The following ROBO2 variants were observed in gnomAD, a reference collection of about 807,000 sequenced individuals.
The protein encoded by ROBO2 is roundabout guidance receptor 2.
Under a neutral mutation model 160.8 loss-of-function variants are expected in ROBO2, and 53 were observed. The observed-to-expected ratio is 0.33, with a 90% CI of 0.26 to 0.41. The LOEUF is 0.41. Ranked by LOEUF, ROBO2 falls within the 10% of genes least tolerant of loss-of-function variation. ROBO2 has a pLI of 1.00. For missense variants in ROBO2, 1,577 were observed against 1,722.4 expected, an observed-to-expected ratio of 0.92 and a Z score of 1.49; for synonymous variants, 664 against 611.7, an observed-to-expected ratio of 1.09 and a Z score of -1.26.
In ROBO2 at chr3:77,448,737, G is replaced by T. The variant is rs559283222; in HGVS notation, c.389-28677G>T. Among the ~76,000 whole-genome samples the T allele has an allele frequency of 1.2e-4, 18 of 149,748 alleles. No homozygotes were observed. The East Asian group carries it at 3.4e-3, about 28-fold the overall frequency. On this transcript the variant is annotated intron_variant, in intron 2 of 25. Coordinates refer to ENST00000461745, the Ensembl canonical transcript of ROBO2. ...CAGCTTCTCGGGGGAACTGGGCAAA[G>T]GAACCACATCCCTTATTGAACTTTT...
At chr3:76,924,437 C>A (rs1010086771) in intron 2 of ROBO2, among the ~76,000 whole-genome samples, 1 of 152,174 alleles carries the variant, frequency 6.6e-6, no homozygotes, top group African/African-American at 2.4e-5. Flanking sequence ...AGGAAGCAGG[C>A]CCTCCACAGA....
chr3:77,628,323 C>T (rs1049561589), intron 23 of ROBO2, among the ~76,000 whole-genome samples: 2 of 151,760 alleles, frequency 1.3e-5, no homozygotes, highest in Admixed American at 6.6e-5. Context: ...TTTTAATTTT[C>T]GTGTTTATAC....
At chr3:76,583,970 A>G (rs996541300) in intron 2 of ROBO2, among the ~76,000 whole-genome samples, 3 of 152,152 alleles carry the variant, frequency 2.0e-5, no homozygotes, top group African/African-American at 7.2e-5. Context: ...TTCTTCATGT[A>G]AAAACCACCT....
intron 4 of ROBO2, among the ~76,000 whole-genome samples, chr3:77,487,826 A>AT (rs1413157807): frequency 6.6e-6 from 1 of 152,210 alleles, no homozygotes; most frequent in Non-Finnish European, 1.5e-5. Context: ...CACTAATTTT[A>AT]TAATGTTAAG....
At chr3:76,704,799 G>T (rs909745936) in intron 2 of ROBO2, among the ~76,000 whole-genome samples, 3 of 151,994 alleles carry the variant, frequency 2.0e-5, no homozygotes, top group Admixed American at 6.6e-5. Context: ...AGCTAAGCAG[G>T]GCTCTCTAGA....
chr3:77,330,742 A>C (rs1560551479), intron 2 of ROBO2, among the ~76,000 whole-genome samples: 1 of 152,220 alleles, frequency 6.6e-6, no homozygotes, highest in Non-Finnish European at 1.5e-5. Context: ...GCAGGCAAAG[A>C]AATGTGGGTT....
chr3:76,746,447 C>A (rs530272486), intron 2 of ROBO2, among the ~76,000 whole-genome samples: 24 of 152,172 alleles, frequency 1.6e-4, no homozygotes, highest in Non-Finnish European at 2.9e-4. Context: ...TACAGTCCCA[C>A]CAACAGTGTA....
chr3:76,751,027 G>A (rs374906152), intron 2 of ROBO2, among the ~76,000 whole-genome samples: 4,369 of 151,960 alleles, frequency 0.029, 183 homozygotes, highest in African/African-American at 0.094. Context: ...GAGGCATCAC[G>A]CTACCTGACT....
intron 5 of ROBO2, among the ~76,000 whole-genome samples, chr3:77,496,645 A>G (rs2086823774): frequency 6.6e-6 from 1 of 152,150 alleles, no homozygotes; most frequent in Admixed American, 6.6e-5. Context: ...CATGCTTAAC[A>G]CATTTATACG....
intron 2 of ROBO2, among the ~76,000 whole-genome samples, chr3:76,766,793 G>C (rs2061598891): frequency 6.6e-6 from 1 of 151,512 alleles, no homozygotes; most frequent in Non-Finnish European, 1.5e-5. Context: ...ATAAATCACT[G>C]TTAATATTTG....
chr3:76,871,709 A>G (rs2148681988), intron 2 of ROBO2, among the ~76,000 whole-genome samples: 1 of 152,346 alleles, frequency 6.6e-6, no homozygotes, highest in South Asian at 2.1e-4. Flanking sequence ...GACACATGTC[A>G]TGATTGTTAC....
At chr3:77,111,641 T>C (rs921531657) in intron 2 of ROBO2, among the ~76,000 whole-genome samples, 1 of 152,138 alleles carries the variant, frequency 6.6e-6, no homozygotes, top group Non-Finnish European at 1.5e-5. Flanking sequence ...TACATCGCAG[T>C]TTTTTAGTTT....
At chr3:76,639,049 C>A (rs955455875) in intron 2 of ROBO2, among the ~76,000 whole-genome samples, 1 of 152,068 alleles carries the variant, frequency 6.6e-6, no homozygotes, top group Admixed American at 6.6e-5. Flanking sequence ...AGACACTCTG[C>A]TTGAATTGAC....
At chr3:76,975,683 T>C (rs1034367927) in intron 2 of ROBO2, among the ~76,000 whole-genome samples, 2 of 152,172 alleles carry the variant, frequency 1.3e-5, no homozygotes, top group African/African-American at 4.8e-5. Context: ...AACATAAGTC[T>C]TCTAATTTTT....
chr3:76,892,001 G>A (rs974504039), intron 2 of ROBO2, among the ~76,000 whole-genome samples: 1 of 152,094 alleles, frequency 6.6e-6, no homozygotes, highest in African/African-American at 2.4e-5. Flanking sequence ...AAGCCTCTGT[G>A]TAGGAGGTGA....
chr3:77,275,065 C>T (rs1183023080), intron 2 of ROBO2, among the ~76,000 whole-genome samples: 1 of 152,012 alleles, frequency 6.6e-6, no homozygotes, highest in East Asian at 1.9e-4. Context: ...ATAACTGCAT[C>T]ATTTGCTGAA....
At chr3:77,517,092 A>T (rs901047716) in intron 5 of ROBO2, among the ~76,000 whole-genome samples, 2 of 151,696 alleles carry the variant, frequency 1.3e-5, no homozygotes, top group South Asian at 2.1e-4. Flanking sequence ...TGTGGTAAAG[A>T]TATGTGCTTT....
At chr3:77,038,662 AG>A (rs2063779975), upstream of ROBO2, among the ~76,000 whole-genome samples, 1 of 152,040 alleles carries the variant, frequency 6.6e-6, no homozygotes, top group Non-Finnish European at 1.5e-5. Context: ...CATCTGAACA[AG>A]CATCAAACGG....
chr3:76,124,346 CATT>C (rs1453246692), intron 2 of ROBO2, among the ~76,000 whole-genome samples: 1 of 152,006 alleles, frequency 6.6e-6, no homozygotes, highest in Non-Finnish European at 1.5e-5. Context: ...TTTTTTATCT[CATT>C]ATGACTCTAT....
Sources: gnomAD v4.1 joint callset for allele counts (sites outside exome capture counted in the v4.1 genomes callset) on GRCh38, gnomAD v4.1.1 for gene constraint, MANE v1.5 for transcripts, NCBI Gene and HGNC (gene_info 2026-07-23, HGNC 2026-07-21) for gene names.